Variants in ZNF385D observed in about 807,000 individuals in gnomAD.
ZNF385D encodes zinc finger protein 659.
A neutral mutation model predicts 35.8 loss-of-function variants in ZNF385D; 15 were observed. That is an observed-to-expected ratio of 0.42 (90% CI 0.28 to 0.64). ZNF385D has a LOEUF of 0.64. Ranked by LOEUF, ZNF385D falls within the 30% of genes least tolerant of loss-of-function variation. ZNF385D has a pLI of 0.23. For synonymous variants in ZNF385D, 212 were observed against 186.8 expected (o/e 1.13, Z -1.10); for missense variants, 474 against 494.6 (o/e 0.96, Z 0.39).
chr3:22,077,415 A>G (rs1170212293), intron 3 of ZNF385D, among the ~76,000 whole-genome samples: 1 of 151,956 alleles, frequency 6.6e-6, no homozygotes, highest in Non-Finnish European at 1.5e-5. Flanking sequence ...ATTGTCCAAC[A>G]TTGGTCATTA....
intron 2 of ZNF385D, among the ~76,000 whole-genome samples, chr3:22,259,823 C>G (rs923539444): frequency 3.4e-5 from 5 of 149,202 alleles, no homozygotes; most frequent in African/African-American, 1.2e-4. Flanking sequence ...CTCCAAATGC[C>G]AACATAGTGA....
chr3:21,797,684 A>G (rs1344523067), intron 3 of ZNF385D, among the ~76,000 whole-genome samples: 1 of 152,260 alleles, frequency 6.6e-6, no homozygotes, highest in Non-Finnish European at 1.5e-5. Flanking sequence ...TGAACCATCT[A>G]TTAAGTCATA....
chr3:22,312,376 C>T (rs1294741270), intron 2 of ZNF385D, among the ~76,000 whole-genome samples: 2 of 151,978 alleles, frequency 1.3e-5, no homozygotes, highest in Non-Finnish European at 2.9e-5. Flanking sequence ...ACTCCGAAAC[C>T]CCATAGTCTC....
chr3:21,866,425 T>G (rs1697368032), intron 3 of ZNF385D, among the ~76,000 whole-genome samples: 1 of 152,132 alleles, frequency 6.6e-6, no homozygotes, highest in Non-Finnish European at 1.5e-5. Context: ...TTGCACTCTC[T>G]GTCTTGGGCA....
intron 3 of ZNF385D, among the ~76,000 whole-genome samples, chr3:21,790,676 T>G (rs1201882894): frequency 2.6e-5 from 4 of 152,224 alleles, no homozygotes; most frequent in Non-Finnish European, 5.9e-5. Context: ...TGGGAAATTT[T>G]CTCAAGGAAA....
chr3:22,142,584 G>A (rs769099134), intron 3 of ZNF385D, among the ~76,000 whole-genome samples: 25 of 151,784 alleles, frequency 1.6e-4, no homozygotes, highest in Admixed American at 9.2e-4. Flanking sequence ...CTCTACGGTG[G>A]TCTCCAACCC....
Position 22,287,171 on chromosome 3 carries a change from G to A in ZNF385D, c.106+85279C>T, listed in dbSNP as rs115135796. On this transcript the variant is annotated intron_variant, in intron 2 of 5. Transcript: ENST00000494108. ...GACAGTTTTTTTACTTAAAGCTTAC[G>A]TTGTCTAATATAAGTATAGCTACCT... is the stretch of plus-strand genomic sequence containing the variant. 4.8e-3 allele frequency among the ~76,000 whole-genome samples: 725 copies of A among 151,864 alleles called. 4 individuals are homozygous for A. Among genetic ancestry groups the A allele is most frequent in the African/African-American group, 0.016 (655 of 41,464 alleles).
chr3:21,837,482 G>A (rs1695401456), intron 3 of ZNF385D, among the ~76,000 whole-genome samples: 1 of 152,042 alleles, frequency 6.6e-6, no homozygotes, highest in South Asian at 2.1e-4. Context: ...GTTCAGGGTA[G>A]TGCTCCAAGT....
intron 2 of ZNF385D, among the ~76,000 whole-genome samples, chr3:22,276,889 AATAG>A (rs1220843154): frequency 6.6e-6 from 1 of 152,124 alleles, no homozygotes; most frequent in African/African-American, 2.4e-5. Context: ...TATATCTGAA[AATAG>A]ATAATATGAA....
chr3:22,123,757 A>G (rs893226237), intron 3 of ZNF385D, among the ~76,000 whole-genome samples: 4 of 151,978 alleles, frequency 2.6e-5, no homozygotes, highest in African/African-American at 9.7e-5. Flanking sequence ...GCTACTCGGG[A>G]GGCCGAGGCA....
intron 1 of ZNF385D, among the ~76,000 whole-genome samples, chr3:21,748,072 CAA>C (rs1297070757): frequency 6.6e-6 from 1 of 152,078 alleles, no homozygotes; most frequent in Non-Finnish European, 1.5e-5. Flanking sequence ...GAATAAGTAA[CAA>C]AAGTGTCCAC....
chr3:21,834,415 A>C (rs1695195042), intron 3 of ZNF385D, among the ~76,000 whole-genome samples: 1 of 152,170 alleles, frequency 6.6e-6, no homozygotes, highest in African/African-American at 2.4e-5. Context: ...TTATCTGGAA[A>C]AGACTTTAGG....
chr3:22,183,907 A>G (rs6550672), intron 2 of ZNF385D, among the ~76,000 whole-genome samples: 25,371 of 151,870 alleles, frequency 0.17, 2,279 homozygotes, highest in Non-Finnish European at 0.18. Flanking sequence ...ATGCTGTGAA[A>G]GAACTGTTAA....
At chr3:21,982,895 ATTGAT>A (rs1370932280) in intron 3 of ZNF385D, among the ~76,000 whole-genome samples, 3 of 151,174 alleles carry the variant, frequency 2.0e-5, no homozygotes, top group Non-Finnish European at 4.4e-5. Context: ...AATCACATTT[ATTGAT>A]TTGTGTATGT....
intron 3 of ZNF385D, among the ~76,000 whole-genome samples, chr3:22,033,114 C>G (rs1206697711): frequency 2.6e-5 from 4 of 152,042 alleles, no homozygotes; most frequent in Admixed American, 2.6e-4. Context: ...ATAGAATGAA[C>G]AGTGAGGCCG....
intron 1 of ZNF385D, among the ~76,000 whole-genome samples, chr3:21,666,671 A>G (rs756126310): frequency 2.8e-4 from 42 of 152,208 alleles, no homozygotes; most frequent in African/African-American, 1.0e-3. Flanking sequence ...TAGAGAGGGC[A>G]TCCATAAAAC....
intron 3 of ZNF385D, among the ~76,000 whole-genome samples, chr3:22,002,017 A>C (rs1695872753): frequency 2.6e-5 from 4 of 152,006 alleles, no homozygotes; most frequent in Admixed American, 1.3e-4. Context: ...AACTTGTAAC[A>C]ATATAGCTCA....
At chr3:22,109,370 G>C (rs928650264) in intron 3 of ZNF385D, among the ~76,000 whole-genome samples, 5 of 152,144 alleles carry the variant, frequency 3.3e-5, no homozygotes, top group African/African-American at 4.8e-5. Context: ...GACATTTAAT[G>C]TAAGTCCCTA....
intron 3 of ZNF385D, among the ~76,000 whole-genome samples, chr3:22,041,822 GA>G (rs1248781697): frequency 1.3e-5 from 2 of 152,054 alleles, no homozygotes; most frequent in African/African-American, 2.4e-5. Flanking sequence ...AGGAATGGTT[GA>G]AAAAAACAGG....
Sources: gnomAD v4.1 joint callset for allele counts (sites outside exome capture counted in the v4.1 genomes callset) on GRCh38, gnomAD v4.1.1 for gene constraint, MANE v1.5 for transcripts, NCBI Gene and HGNC (gene_info 2026-07-23, HGNC 2026-07-21) for gene names.